Variants in ATP2C2 observed in about 807,000 individuals in gnomAD.
ATP2C2 encodes the protein calcium-transporting ATPase type 2C member 2.
ATP2C2 carries 171 observed loss-of-function variants against 110.8 expected under a neutral mutation model. The observed-to-expected ratio is 1.54, with a 90% CI of 1.36 to 1.75. The LOEUF (loss-of-function observed/expected upper bound fraction) is 1.75, where lower values mean the gene tolerates loss of function less well. ATP2C2 is among the 40% of genes most tolerant of loss of function. The pLI, the probability that ATP2C2 is intolerant of heterozygous loss-of-function variation, is 0.00. For missense variants in ATP2C2, 1,963 were observed against 1,235.0 expected, an observed-to-expected ratio of 1.59 and a Z score of -8.84; for synonymous variants, 804 against 508.4, an observed-to-expected ratio of 1.58 and a Z score of -7.82.
chr16:84,398,654 A>G, intron 2 of ATP2C2, 45 bp downstream of exon 2: 1 of 1,488,370 alleles, frequency 6.7e-7, no homozygotes, highest in Non-Finnish European at 9.2e-7. Flanking sequence ...ATAAGGTTTT[A>G]TGTTTAAAAG....
intron 10 of ATP2C2, among the ~76,000 whole-genome samples, chr16:84,423,856 G>C (rs1430210105): frequency 6.6e-6 from 1 of 152,184 alleles, no homozygotes; most frequent in Non-Finnish European, 1.5e-5. Context: ...TCCTGGACTG[G>C]GACTTCCTGA....
At chr16:84,436,342 G>C (rs1159676766) in intron 11 of ATP2C2, among the ~76,000 whole-genome samples, 1 of 152,212 alleles carries the variant, frequency 6.6e-6, no homozygotes, top group Non-Finnish European at 1.5e-5. Context: ...TTTGTTTAGA[G>C]GAGGGCCTGG....
intron 9 of ATP2C2, among the ~76,000 whole-genome samples, chr16:84,422,971 C>G (rs1480495422): frequency 5.9e-5 from 9 of 152,104 alleles, no homozygotes; most frequent in Non-Finnish European, 1.0e-4. Context: ...GGCCTCTTTT[C>G]AAACACGTAA....
intron 21 of ATP2C2, among the ~76,000 whole-genome samples, chr16:84,458,781 G>A (rs554303910): frequency 1.6e-4 from 24 of 152,286 alleles, no homozygotes; most frequent in African/African-American, 5.8e-4. Flanking sequence ...TTGGTAAATC[G>A]CGGAGATGCA....
At chr16:84,443,038 C>T (rs1383516338) in intron 15 of ATP2C2, among the ~76,000 whole-genome samples, 1 of 152,108 alleles carries the variant, frequency 6.6e-6, no homozygotes, top group Non-Finnish European at 1.5e-5. Context: ...TTGCCCCAGG[C>T]CATTCTGTAC....
In ATP2C2 at chr16:84,452,097, T is replaced by G. The variant is rs769652595; in HGVS notation, c.1831+6T>G. 5.6e-6 allele frequency: 9 copies of G among 1,613,768 alleles called. No individual in the cohort carries two copies. Among genetic ancestry groups the G allele is most frequent in the Admixed American group, 3.3e-5 (2 of 59,978 alleles). ...GGAGACGGCCTTGGCCATAGGTAAC[T>G]GGGACAGGGTCGGGGGTGAGGACGA... is the stretch of plus-strand genomic sequence containing the variant. On this transcript the variant is annotated splice_donor_region_variant and intron_variant, in intron 18 of 26. Coordinates refer to ENST00000262429, the MANE Select transcript of ATP2C2 (RefSeq NM_014861.4).
rs559633245 is a variant in ATP2C2, at chr16:84,388,875, G to A, written c.100-9624G>A. On this transcript the variant is annotated intron_variant, in intron 1 of 26. Transcript: ENST00000262429. ...CTACCTCCGCCTCCTGGGTTCAAGC[G>A]ATTCTCCTGCCTCAGCCTCCTGAGT... Among the ~76,000 whole-genome samples the A allele has an allele frequency of 8.8e-4, 134 of 152,222 alleles. 1 individual carries two copies. The highest frequency in any genetic ancestry group is 3.0e-3 in the African/African-American group (126 of 41,530).
intron 7 of ATP2C2, among the ~76,000 whole-genome samples, chr16:84,419,402 G>T (rs28533008): frequency 0.3 from 45,974 of 151,520 alleles, 7,558 homozygotes; most frequent in African/African-American, 0.42. Context: ...CCAACCCTCC[G>T]TCCTCCCCTC....
chr16:84,428,139 G>A (rs1344357686), intron 11 of ATP2C2, among the ~76,000 whole-genome samples: 1 of 152,174 alleles, frequency 6.6e-6, no homozygotes, highest in Non-Finnish European at 1.5e-5. Context: ...GTGTGTGCTG[G>A]GACACAGAGG....
At chr16:84,459,561 A>G in intron 23 of ATP2C2, 175 bp downstream of exon 23, 2 of 1,537,362 alleles carry the variant, frequency 1.3e-6, no homozygotes, top group Non-Finnish European at 1.7e-6. Flanking sequence ...AGTAGAAGGC[A>G]GAGGAGAAAG....
chr16:84,378,115 G>T (rs1910356469), intron 1 of ATP2C2, among the ~76,000 whole-genome samples: 1 of 152,196 alleles, frequency 6.6e-6, no homozygotes, highest in African/African-American at 2.4e-5. Context: ...GGCAGGCACT[G>T]CACCTCACTT....
chr16:84,406,453 C>G, intron 3 of ATP2C2: 2 of 325,712 alleles, frequency 6.1e-6, no homozygotes, highest in Non-Finnish European at 8.8e-6. Flanking sequence ...CTGGGCTGCC[C>G]CAGGCTTCAA....
chr16:84,437,100 C>T (rs1332911336), intron 11 of ATP2C2, among the ~76,000 whole-genome samples: 1 of 152,110 alleles, frequency 6.6e-6, no homozygotes, highest in African/African-American at 2.4e-5. Context: ...ATATAATTCA[C>T]ATATATAATT....
chr16:84,372,938 T>C (rs1256273936), intron 1 of ATP2C2, among the ~76,000 whole-genome samples: 1 of 150,990 alleles, frequency 6.6e-6, no homozygotes, highest in Admixed American at 6.6e-5. Context: ...CTGGCCAATA[T>C]GGTGAAACCC....
At chr16:84,455,079 T>C (rs1467907643) in intron 21 of ATP2C2, 95 bp downstream of exon 21, 31 of 1,070,206 alleles carry the variant, frequency 2.9e-5, no homozygotes, top group South Asian at 8.0e-5. Flanking sequence ...GAGGGGGGGG[T>C]CTCGCGGAGT....
At chr16:84,447,620 T>C (rs1480607484) in intron 16 of ATP2C2, among the ~76,000 whole-genome samples, 2 of 148,124 alleles carry the variant, frequency 1.4e-5, no homozygotes, top group African/African-American at 4.9e-5. Flanking sequence ...TTGGTTAATA[T>C]AAGCTTGTTA....
intron 4 of ATP2C2, among the ~76,000 whole-genome samples, chr16:84,408,833 C>A (rs145828575): frequency 2.3e-3 from 353 of 151,944 alleles, no homozygotes; most frequent in Admixed American, 4.7e-3. Flanking sequence ...TGATCCATTA[C>A]CGAGAGGTAA....
intron 7 of ATP2C2, among the ~76,000 whole-genome samples, chr16:84,421,657 C>T (rs532492610): frequency 1.3e-4 from 20 of 152,094 alleles, no homozygotes; most frequent in African/African-American, 2.2e-4. Flanking sequence ...GGTCAAGTTG[C>T]GGTTTTGCAA....
chr16:84,386,304 T>A (rs1212352499), intron 1 of ATP2C2, among the ~76,000 whole-genome samples: 2 of 152,194 alleles, frequency 1.3e-5, no homozygotes, highest in East Asian at 3.8e-4. Flanking sequence ...TTTATATCTG[T>A]CTCTCTCTGT....
Sources: allele counts gnomAD v4.1 joint callset (sites outside exome capture counted in the v4.1 genomes callset), GRCh38; gene constraint gnomAD v4.1.1; transcripts MANE v1.5; gene names NCBI Gene and HGNC (gene_info 2026-07-23, HGNC 2026-07-21).